The following DENND5B variants were observed in gnomAD, a reference collection of about 807,000 sequenced individuals.
The protein encoded by DENND5B is DENN domain-containing protein 5B.
In DENND5B, 34 loss-of-function variants were observed where a neutral mutation model predicts 140.6. The ratio of observed to expected loss-of-function variants is 0.24; its 90% confidence interval spans 0.18 to 0.32. DENND5B has a LOEUF of 0.32. Among genes scored for constraint, DENND5B ranks in the 10% least tolerant of loss-of-function variants. DENND5B has a pLI of 1.00. For missense variants in DENND5B, 1,142 were observed against 1,560.2 expected (o/e 0.73, Z 4.52); for synonymous variants, 551 against 562.1 (o/e 0.98, Z 0.28).
Position 31,564,418 on chromosome 12 carries a change from T to G in DENND5B, c.127+26288A>C, listed in dbSNP as rs191712503. On this transcript the variant is annotated intron_variant, in intron 1 of 20. Coordinates refer to ENST00000389082, the MANE Select transcript of DENND5B (RefSeq NM_144973.4). ...AGGAACTGTTAAGAGTCCATGAATATTTCAGAAGAATAATGAAAAAGTGTG... is the reference window on the plus strand; with the variant it reads ...AGGAACTGTTAAGAGTCCATGAATAGTTCAGAAGAATAATGAAAAAGTGTG... 1.1e-4 allele frequency among the ~76,000 whole-genome samples: 16 copies of G among 152,022 alleles called. No homozygotes were observed. The East Asian group carries it at 3.1e-3, about 29-fold the overall frequency.
In DENND5B at chr12:31,383,913, C is replaced by T. The variant is rs879425010; in HGVS notation, c.*3690G>A. ...AAAACAACTTCTTCACCAGCTATTA[C>T]TATGCAAAAATAATCATTATGGTCC... On this transcript the variant is annotated 3_prime_UTR_variant, in exon 21 of 21. Transcript: ENST00000389082. 3.9e-5 allele frequency: 6 copies of T among 151,992 alleles called. No homozygotes were observed. The highest frequency in any genetic ancestry group is 7.4e-5 in the Non-Finnish European group (5 of 68,020). The allele number at this position is 151,992 out of a possible 1,614,324, so 9.4% of individuals were successfully genotyped here.
At chr12:31,440,583 T>C (rs1215989115) in intron 7 of DENND5B, among the ~76,000 whole-genome samples, 1 of 152,244 alleles carries the variant, frequency 6.6e-6, no homozygotes, top group Non-Finnish European at 1.5e-5. Context: ...CTTTTCCACA[T>C]TTCTAGTGAA....
chr12:31,538,695 C>T (rs1948585444), intron 1 of DENND5B, among the ~76,000 whole-genome samples: 1 of 151,914 alleles, frequency 6.6e-6, no homozygotes, highest in African/African-American at 2.4e-5. Flanking sequence ...GGTGAAACCC[C>T]ATCTCTACTA....
In DENND5B at chr12:31,567,055, A is replaced by G. The variant is rs543956607; in HGVS notation, c.127+23651T>C. The stretch of plus-strand genomic sequence containing the variant: ...GAACACACAGTTTACTATCGCATGT[A>G]TATTCCTATTGCAACACCTTATTTC... On this transcript the variant is annotated intron_variant, in intron 1 of 20. Transcript: ENST00000389082. Among the ~76,000 whole-genome samples, 5 of 152,380 alleles carry G rather than the reference A, an allele frequency of 3.3e-5. No individual in the cohort carries two copies. The South Asian group carries it at 1.0e-3, about 32-fold the overall frequency.
chr12:31,480,128 T>C lies in DENND5B; in HGVS notation c.365A>G (p.Glu122Gly). Reference sequence around the variant, plus strand: ...TGTGCAGATTTGCTTACTTGTAACTTCTTCATAAAAAGTGAGAACAAAACC... The same window carrying C: ...TGTGCAGATTTGCTTACTTGTAACTCCTTCATAAAAAGTGAGAACAAAACC... ...TYGFVLTFYE[E>G]VTSKQICTAM... The change falls in exon 3 of 21, where the codon GAA (glutamate) becomes GGA (glycine). Residue 122 changes from glutamate to glycine, a missense_variant. Glu to Gly is a moderately conservative substitution (Grantham distance 98). Transcript: ENST00000389082. 2 of 1,612,608 alleles carry C rather than the reference T, an allele frequency of 1.2e-6. No individual in the cohort carries two copies. The highest frequency in any genetic ancestry group is 1.7e-6 in the Non-Finnish European group (2 of 1,179,146).
chr12:31,387,515 A>G lies in DENND5B; in HGVS notation c.*88T>C. The G allele has an allele frequency of 7.1e-7, 1 of 1,408,816 alleles. No homozygotes were observed. Among genetic ancestry groups the G allele is most frequent in the Non-Finnish European group, 9.7e-7 (1 of 1,026,902 alleles). 87.3% of individuals were successfully genotyped at this position (1,408,816 alleles called of 1,614,324 possible). Reference sequence around the variant, plus strand: ...GGGGCATATGTTTGGCTGCCCCTGCAGTGACTCACTACTGTCAGACAAGTC... The same window carrying G: ...GGGGCATATGTTTGGCTGCCCCTGCGGTGACTCACTACTGTCAGACAAGTC... On this transcript the variant is annotated 3_prime_UTR_variant, in exon 21 of 21. Coordinates refer to ENST00000389082, the MANE Select transcript of DENND5B (RefSeq NM_144973.4).
chr12:31,454,326 TG>T (rs1381464241), intron 4 of DENND5B, among the ~76,000 whole-genome samples: 1 of 152,234 alleles, frequency 6.6e-6, no homozygotes, highest in Non-Finnish European at 1.5e-5. Flanking sequence ...AACAGCCTGG[TG>T]GCTTATGGCC....
intron 3 of DENND5B, among the ~76,000 whole-genome samples, chr12:31,466,671 C>A (rs1945281806): frequency 6.7e-6 from 1 of 150,088 alleles, no homozygotes; most frequent in South Asian, 2.1e-4. Context: ...CCATCCTGGG[C>A]AATAAAGTGA....
At chr12:31,577,553 T>C (rs915047908) in intron 1 of DENND5B, among the ~76,000 whole-genome samples, 2 of 149,944 alleles carry the variant, frequency 1.3e-5, no homozygotes, top group Non-Finnish European at 3.0e-5. Flanking sequence ...TACTAAAAAA[T>C]ACAAAAAATT....
intron 8 of DENND5B, chr12:31,432,032 A>G: frequency 1.0e-6 from 1 of 984,336 alleles, no homozygotes; most frequent in Non-Finnish European, 1.2e-6. Flanking sequence ...ACTTTCAAGC[A>G]AAGAACATAC....
intron 4 of DENND5B, among the ~76,000 whole-genome samples, chr12:31,458,870 T>C (rs760340721): frequency 3.0e-4 from 46 of 152,216 alleles, no homozygotes; most frequent in Non-Finnish European, 5.0e-4. Flanking sequence ...CTCTTATCCA[T>C]ATTTCATTTC....
At chr12:31,510,676 T>G (rs1214505795) in intron 1 of DENND5B, among the ~76,000 whole-genome samples, 1 of 152,168 alleles carries the variant, frequency 6.6e-6, no homozygotes, top group Non-Finnish European at 1.5e-5. Context: ...TAATTTCTTC[T>G]CTCTTCTGCA....
chr12:31,502,119 A>G (rs1051397595), intron 1 of DENND5B, among the ~76,000 whole-genome samples: 39 of 152,276 alleles, frequency 2.6e-4, no homozygotes, highest in African/African-American at 8.9e-4. Context: ...GTTCGAGACC[A>G]GCCTGGCCAA....
In DENND5B at chr12:31,452,419, G is replaced by C; in HGVS notation, c.1150C>G (p.Pro384Ala). 1.9e-6 allele frequency: 3 copies of C among 1,612,424 alleles called. No homozygotes were observed. The highest frequency in any genetic ancestry group is 2.5e-6 in the Non-Finnish European group (3 of 1,179,438). ...NHFIELPEEF[P>A]QFPNKVDFIQ... ...AAATCCACTTTATTGGGGAACTGTGGAAATTCTTCAGGCAACTCAATAAAA... is the reference window on the plus strand; with the variant it reads ...AAATCCACTTTATTGGGGAACTGTGCAAATTCTTCAGGCAACTCAATAAAA... The change falls in exon 5 of 21, where the codon CCA (proline) becomes GCA (alanine). Residue 384 changes from proline (P) to alanine (A), a missense_variant. Around this residue, in one of 5 missense-constraint regions of DENND5B, gnomAD observed 708 missense variants for 905.5 expected, o/e 0.78. Coordinates refer to ENST00000389082, the MANE Select transcript of DENND5B (RefSeq NM_144973.4).
chr12:31,532,797 G>T (rs950527009), intron 1 of DENND5B, among the ~76,000 whole-genome samples: 1 of 152,230 alleles, frequency 6.6e-6, no homozygotes, highest in Non-Finnish European at 1.5e-5. Flanking sequence ...GCTGGAAGAG[G>T]ATCTGGTTTG....
intron 1 of DENND5B, among the ~76,000 whole-genome samples, chr12:31,559,001 T>C (rs1949387633): frequency 1.3e-5 from 2 of 152,292 alleles, no homozygotes; most frequent in African/African-American, 4.8e-5. Flanking sequence ...AATATACTTG[T>C]CCCTTCAAAT....
At chr12:31,411,040 CTTTTT>C (rs59646978) in intron 13 of DENND5B, among the ~76,000 whole-genome samples, 1 of 140,260 alleles carries the variant, frequency 7.1e-6, no homozygotes, top group Admixed American at 7.2e-5. Context: ...GCATAAATCA[CTTTTT>C]TTTTTTTTTT....
chr12:31,516,913 T>C (rs930814525), intron 1 of DENND5B, among the ~76,000 whole-genome samples: 1 of 151,990 alleles, frequency 6.6e-6, no homozygotes, highest in Admixed American at 6.6e-5. Flanking sequence ...CACTCCAGCC[T>C]GGGCAACAGA....
intron 10 of DENND5B, among the ~76,000 whole-genome samples, chr12:31,424,211 C>T (rs1243012079): frequency 6.6e-6 from 1 of 152,080 alleles, no homozygotes; most frequent in East Asian, 1.9e-4. Context: ...TGATTTCACC[C>T]TGAATTATTA....
Sources: allele counts gnomAD v4.1 joint callset (sites outside exome capture counted in the v4.1 genomes callset), GRCh38; gene constraint gnomAD v4.1.1; regional missense constraint gnomAD v4.1.1; transcripts MANE v1.5; gene names NCBI Gene and HGNC (gene_info 2026-07-23, HGNC 2026-07-21).